LAMA2: variants seen among roughly 807,000 people sequenced by gnomAD.
LAMA2 encodes laminin subunit alpha-2.
In LAMA2, 269 loss-of-function variants were observed where a neutral mutation model predicts 364.8. The observed-to-expected ratio is 0.74, with a 90% confidence interval of 0.67 to 0.82. LAMA2 has a LOEUF of 0.82. Among genes scored for constraint, LAMA2 ranks in the 40% least tolerant of loss-of-function variants. LAMA2 has a pLI of 0.00. For synonymous variants in LAMA2, 1,379 were observed against 1,370.6 expected, an observed-to-expected ratio of 1.01 and a Z score of -0.14; for missense variants, 3,807 against 3,873.2, an observed-to-expected ratio of 0.98 and a Z score of 0.45.
intron 9 of LAMA2, among the ~76,000 whole-genome samples, chr6:129,170,892 C>T (rs1299898108): frequency 2.6e-4 from 39 of 150,038 alleles, no homozygotes; most frequent in Middle Eastern, 3.4e-3. Context: ...GGATAGTTAG[C>T]TCTTCTTGTT....
At chr6:129,392,952 G>T in intron 36 of LAMA2, 93 bp from the exon 37 acceptor site, 3 of 980,024 alleles carry the variant, frequency 3.1e-6, no homozygotes, top group Non-Finnish European at 4.7e-6. Flanking sequence ...TTCTTTTCAT[G>T]TTAGCATCTC....
chr6:129,276,868 GTTAA>G (rs1325807531), intron 17 of LAMA2, among the ~76,000 whole-genome samples: 23 of 151,660 alleles, frequency 1.5e-4, no homozygotes, highest in African/African-American at 4.1e-4. Flanking sequence ...TTAGAACAAG[GTTAA>G]TTGTTTCTCT....
intron 32 of LAMA2, among the ~76,000 whole-genome samples, chr6:129,360,105 G>A (rs1481154104): frequency 6.6e-6 from 1 of 152,058 alleles, no homozygotes; most frequent in Non-Finnish European, 1.5e-5. Flanking sequence ...TTTTAGGCAG[G>A]ATTTCACTTT....
intron 11 of LAMA2, among the ~76,000 whole-genome samples, chr6:129,191,943 G>A (rs191108007): frequency 2.0e-3 from 299 of 152,276 alleles, no homozygotes; most frequent in Non-Finnish European, 3.2e-3. Flanking sequence ...CTTGGCTGAA[G>A]CATAAAGATG....
At chr6:129,045,904 G>C (rs1016975372) in intron 1 of LAMA2, among the ~76,000 whole-genome samples, 1 of 152,092 alleles carries the variant, frequency 6.6e-6, no homozygotes, top group Non-Finnish European at 1.5e-5. Flanking sequence ...CCATGGTCAG[G>C]GTCAGAACTA....
chr6:129,125,487 G>A (rs1490661809), intron 4 of LAMA2, among the ~76,000 whole-genome samples: 2 of 152,180 alleles, frequency 1.3e-5, no homozygotes, highest in African/African-American at 2.4e-5. Flanking sequence ...AGTAGAGCTT[G>A]TAAAACCAAG....
chr6:129,191,467 C>G (rs1241642120), intron 11 of LAMA2, among the ~76,000 whole-genome samples: 1 of 152,156 alleles, frequency 6.6e-6, no homozygotes. Context: ...CCCACCCCAC[C>G]CTCCAGACTG....
At chr6:128,895,047 A>G (rs9986669) in intron 1 of LAMA2, among the ~76,000 whole-genome samples, 10,105 of 152,224 alleles carry the variant, frequency 0.066, 997 homozygotes, top group African/African-American at 0.21. Flanking sequence ...CAAAATCTAT[A>G]GCCATATGAA....
At chr6:129,430,488 A>T (rs1781535478) in intron 41 of LAMA2, among the ~76,000 whole-genome samples, 1 of 152,234 alleles carries the variant, frequency 6.6e-6, no homozygotes, top group Non-Finnish European at 1.5e-5. Context: ...ATCTGTTAAA[A>T]GTAAATTTGC....
At chr6:128,948,761 T>C (rs1356539873) in intron 1 of LAMA2, among the ~76,000 whole-genome samples, 3 of 152,024 alleles carry the variant, frequency 2.0e-5, no homozygotes, top group South Asian at 2.1e-4. Context: ...TTAAAAGAAA[T>C]TGGGATCTCC....
At chr6:128,890,550 C>CACAG (rs1463224739) in intron 1 of LAMA2, among the ~76,000 whole-genome samples, 1 of 151,596 alleles carries the variant, frequency 6.6e-6, no homozygotes, top group African/African-American at 2.4e-5. Context: ...AATACACACA[C>CACAG]ACACACACAC....
intron 1 of LAMA2, among the ~76,000 whole-genome samples, chr6:128,913,718 G>A (rs567853034): frequency 1.3e-5 from 2 of 152,098 alleles, no homozygotes; most frequent in Non-Finnish European, 2.9e-5. Flanking sequence ...AAGCTTATTA[G>A]CAATAAAATA....
At chr6:129,225,894 C>A (rs944016792) in intron 12 of LAMA2, among the ~76,000 whole-genome samples, 34 of 152,036 alleles carry the variant, frequency 2.2e-4, no homozygotes, top group Middle Eastern at 3.4e-3. Flanking sequence ...ATCCTTGTTA[C>A]CTTTCTGTCT....
intron 4 of LAMA2, among the ~76,000 whole-genome samples, chr6:129,138,984 G>A (rs1777962744): frequency 6.6e-6 from 1 of 152,114 alleles, no homozygotes; most frequent in South Asian, 2.1e-4. Context: ...CTGGAAGTCA[G>A]TGGAGTAATC....
chr6:129,237,815 A>G (rs1041966216), intron 12 of LAMA2, among the ~76,000 whole-genome samples: 1 of 152,100 alleles, frequency 6.6e-6, no homozygotes, highest in African/African-American at 2.4e-5. Flanking sequence ...CCCCTCTCTA[A>G]TAGAGTATAT....
intron 12 of LAMA2, among the ~76,000 whole-genome samples, chr6:129,198,944 T>A (rs1284088986): frequency 6.6e-6 from 1 of 152,104 alleles, no homozygotes; most frequent in Non-Finnish European, 1.5e-5. Flanking sequence ...CAAAAATTTT[T>A]AAAAATGCAA....
At position 129,438,777 on chromosome 6, in the gene LAMA2, C is replaced by G. The variant is rs765011883; in HGVS notation, c.6085+15C>G. The G allele has an allele frequency of 4.0e-6, 5 of 1,243,698 alleles. No homozygotes were observed. Among genetic ancestry groups the G allele is most frequent in the Non-Finnish European group, 5.9e-6 (5 of 841,880 alleles). The allele number at this position is 1,243,698 out of a possible 1,614,324, so 77.0% of individuals were successfully genotyped here. On this transcript the variant is annotated intron_variant, in intron 42 of 64. Coordinates refer to ENST00000421865, the MANE Select transcript of LAMA2 (RefSeq NM_000426.4). ...TATTCCAAATGGTAAGCATTCAGGACACTACCAACTGTGTCAGTTGACCTG... is the reference window on the plus strand; with the variant it reads ...TATTCCAAATGGTAAGCATTCAGGAGACTACCAACTGTGTCAGTTGACCTG...
intron 60 of LAMA2, among the ~76,000 whole-genome samples, chr6:129,503,776 G>A (rs545593953): frequency 2.6e-5 from 4 of 152,320 alleles, no homozygotes; most frequent in Admixed American, 6.5e-5. Context: ...CCACACAGTG[G>A]TCTGTGAAAA....
intron 2 of LAMA2, among the ~76,000 whole-genome samples, chr6:129,056,857 A>G (rs1788523132): frequency 6.6e-6 from 1 of 151,076 alleles, no homozygotes; most frequent in South Asian, 2.1e-4. Context: ...CAGCCTCCCA[A>G]GTAGCTGGGA....
Sources: gnomAD v4.1 joint callset for allele counts (sites outside exome capture counted in the v4.1 genomes callset) on GRCh38, gnomAD v4.1.1 for gene constraint, MANE v1.5 for transcripts, NCBI Gene and HGNC (gene_info 2026-07-23, HGNC 2026-07-21) for gene names.